UNKL: variants seen among roughly 807,000 people sequenced by gnomAD.
UNKL encodes putative E3 ubiquitin-protein ligase UNKL.
A neutral mutation model predicts 78.0 loss-of-function variants in UNKL; 60 were observed. The observed-to-expected ratio is 0.77, with a 90% CI of 0.63 to 0.95. The LOEUF is 0.95. Among genes scored for constraint, UNKL ranks in the 40% least tolerant of loss-of-function variants. UNKL has a pLI of 0.00. For synonymous variants in UNKL, 608 were observed against 474.8 expected, an observed-to-expected ratio of 1.28 and a Z score of -3.65; for missense variants, 1,159 against 1,045.7, an observed-to-expected ratio of 1.11 and a Z score of -1.49.
intron 12 of UNKL, 96 bp from the exon 13 acceptor site, chr16:1,367,954 G>T: frequency 8.5e-7 from 1 of 1,173,510 alleles, no homozygotes; most frequent in Non-Finnish European, 1.2e-6. Context: ...CGCTACGTGG[G>T]CACCCTCTGG....
intron 2 of UNKL, among the ~76,000 whole-genome samples, chr16:1,413,243 C>CAAA (rs546295462): frequency 4.2e-5 from 3 of 71,668 alleles, no homozygotes; most frequent in Non-Finnish European, 5.2e-5. Context: ...GACCCTGTCT[C>CAAA]AAAAAAAAAA....
chr16:1,378,024 A>T (rs1483885225), intron 10 of UNKL, among the ~76,000 whole-genome samples: 1 of 152,068 alleles, frequency 6.6e-6, no homozygotes, highest in African/African-American at 2.4e-5. Context: ...CCGCTTCCCA[A>T]TGGGTCCTTT....
At chr16:1,368,506 G>A (rs1240451801) in intron 12 of UNKL, among the ~76,000 whole-genome samples, 2 of 147,032 alleles carry the variant, frequency 1.4e-5, no homozygotes, top group East Asian at 2.0e-4. Flanking sequence ...GGAGGCTGAG[G>A]CAGGAGAATG....
intron 9 of UNKL, among the ~76,000 whole-genome samples, chr16:1,386,984 C>A (rs2036842585): frequency 6.6e-6 from 1 of 152,212 alleles, no homozygotes; most frequent in Non-Finnish European, 1.5e-5. Flanking sequence ...GGCCCAGAGA[C>A]CACTTTTCCT....
At chr16:1,401,838 T>A in intron 3 of UNKL, 137 bp from the exon 4 acceptor site, 1 of 1,212,586 alleles carries the variant, frequency 8.2e-7, no homozygotes, top group Non-Finnish European at 1.1e-6. Flanking sequence ...GGAGTCTCAG[T>A]GTGTGGCGCT....
At chr16:1,368,608 CAAAAAA>C (rs757374554) in intron 12 of UNKL, among the ~76,000 whole-genome samples, 4 of 42,142 alleles carry the variant, frequency 9.5e-5, no homozygotes, top group Non-Finnish European at 1.2e-4. Context: ...GACTCCGTCT[CAAAAAA>C]AAAAAAAAAA....
At chr16:1,379,671 C>A (rs1171086640) in intron 10 of UNKL, 1 of 984,416 alleles carries the variant, frequency 1.0e-6, no homozygotes, top group Non-Finnish European at 1.2e-6. Context: ...CGCGCCGCCG[C>A]CGGGGATTCA....
intron 10 of UNKL, among the ~76,000 whole-genome samples, chr16:1,374,301 C>G (rs1482752695): frequency 6.6e-6 from 1 of 152,198 alleles, no homozygotes; most frequent in African/African-American, 2.4e-5. Flanking sequence ...GGGGGCCCTG[C>G]CCTGTCGTCC....
Position 1,392,965 on chromosome 16 carries a change from T to A in UNKL, c.949A>T (p.Met317Leu), listed in dbSNP as rs1204583855. 1 of 1,550,390 alleles carries A rather than the reference T, an allele frequency of 6.4e-7. No homozygotes were observed. The highest frequency in any genetic ancestry group is 8.7e-7 in the Non-Finnish European group (1 of 1,146,954). The change falls in exon 8 of 15, where the codon ATG (methionine) becomes TTG (leucine). Residue 317 changes from methionine to leucine, a missense_variant. Met to Leu is a conservative substitution (Grantham distance 15). Transcript: ENST00000389221. ...AFAHVEKSLG[M>L]VNEWGCHDLH... ...TCGTGACAGCCCCATTCATTCACCA[T>A]CCCCAGGCTCTCTGCAAGGACAGGG...
chr16:1,372,380 C>A (rs977178122), intron 10 of UNKL, among the ~76,000 whole-genome samples: 1 of 152,240 alleles, frequency 6.6e-6, no homozygotes, highest in Non-Finnish European at 1.5e-5. Context: ...AGGCTCAAGA[C>A]TGAGTGGGAA....
At chr16:1,401,505 G>C in intron 4 of UNKL, 63 bp downstream of exon 4, 2 of 1,424,580 alleles carry the variant, frequency 1.4e-6, no homozygotes, top group South Asian at 1.5e-5. Context: ...CAAGTGGCCC[G>C]AGCTGTTCTC....
chr16:1,383,804 A>C (rs1170329707), intron 10 of UNKL: 4 of 445,400 alleles, frequency 9.0e-6, no homozygotes, highest in South Asian at 1.6e-5. Flanking sequence ...GAGTGTGTCC[A>C]GGCAGGGACT....
At chr16:1,411,447 G>C (rs900328304) in intron 2 of UNKL, among the ~76,000 whole-genome samples, 1 of 152,158 alleles carries the variant, frequency 6.6e-6, no homozygotes, top group Non-Finnish European at 1.5e-5. Context: ...CAGGAAGATG[G>C]TTTGAGCCCT....
intron 9 of UNKL, 119 bp downstream of exon 9, chr16:1,390,513 G>A (rs1021622822): frequency 7.5e-6 from 8 of 1,073,286 alleles, no homozygotes; most frequent in Admixed American, 5.4e-5. Flanking sequence ...GAGAGTGGGC[G>A]GGACCAAGGA....
Position 1,370,288 on chromosome 16 carries a change from T to A in UNKL, c.1427A>T (p.His476Leu). ...CGAGGTGGACGCAGAGGATGGCGAG[T>A]GTAGCGATGGTGCTCTGGGCAGGGA... ...PGSLPRAPSL[H>L]SPSSASTSPL... is the part of the protein sequence containing the mutation. Residue 476 changes from histidine to leucine, a missense_variant, in exon 12 of 15, where the codon CAC (histidine) becomes CTC (leucine). Coordinates refer to ENST00000389221, the MANE Select transcript of UNKL (RefSeq NM_001372107.1). The A allele has an allele frequency of 6.5e-7, 1 of 1,533,634 alleles. No individual in the cohort carries two copies. Among genetic ancestry groups the A allele is most frequent in the East Asian group, 2.5e-5 (1 of 40,798 alleles).
At chr16:1,393,045 G>A (rs1356359653) in intron 7 of UNKL, 69 bp from the exon 8 acceptor site, 44 of 1,463,942 alleles carry the variant, frequency 3.0e-5, no homozygotes, top group Non-Finnish European at 3.7e-5. Context: ...AGAAGTCTCC[G>A]CACCACACGT....
Position 1,414,653 on chromosome 16 carries a change from G to C in UNKL, c.39C>G (p.Ser13Arg). Reference sequence around the variant, plus strand: ...GCTTCTCAGTCTGCGGGGGGGACCCGCTCAGCGCCGCTGCCGCCGCTTTCG... The same window carrying C: ...GCTTCTCAGTCTGCGGGGGGGACCCCCTCAGCGCCGCTGCCGCCGCTTTCG... ...SVSKAAAAALSGSPPQTEKPT... is the reference protein window; with the variant it reads ...SVSKAAAAALRGSPPQTEKPT... Residue 13 changes from serine (S) to arginine (R), a missense_variant, in exon 1 of 15, where the codon AGC (serine) becomes AGG (arginine). Physicochemically the swap from Ser to Arg is moderately radical, Grantham distance 110. Transcript: ENST00000389221. The C allele has an allele frequency of 1.7e-6, 2 of 1,145,324 alleles. No individual in the cohort carries two copies. The highest frequency in any genetic ancestry group is 2.2e-6 in the Non-Finnish European group (2 of 921,056). The allele number at this position is 1,145,324 out of a possible 1,614,324, so 70.9% of individuals were successfully genotyped here.
At chr16:1,389,106 G>T (rs897158859) in intron 9 of UNKL, among the ~76,000 whole-genome samples, 1 of 150,148 alleles carries the variant, frequency 6.7e-6, no homozygotes. Context: ...CTGTGAATGT[G>T]ACTCCACTAG....
At chr16:1,375,256 G>A (rs1392497163) in intron 10 of UNKL, among the ~76,000 whole-genome samples, 1 of 152,226 alleles carries the variant, frequency 6.6e-6, no homozygotes. Context: ...GAATCTGGCC[G>A]CGCTCAGCAG....
Sources: allele counts gnomAD v4.1 joint callset (sites outside exome capture counted in the v4.1 genomes callset), GRCh38; gene constraint gnomAD v4.1.1; transcripts MANE v1.5; gene names NCBI Gene and HGNC (gene_info 2026-07-23, HGNC 2026-07-21).